SCML4: variants seen among roughly 807,000 people sequenced by gnomAD.
SCML4 encodes the protein Scm polycomb group protein like 4.
A neutral mutation model predicts 41.1 loss-of-function variants in SCML4; 34 were observed. That is an observed-to-expected ratio of 0.83 (90% CI 0.63 to 1.10). The LOEUF (loss-of-function observed/expected upper bound fraction) is 1.10, where lower values mean the gene tolerates loss of function less well. Ranked by LOEUF, SCML4 falls within the 50% of genes least tolerant of loss-of-function variation. SCML4 has a pLI of 0.00. For synonymous variants in SCML4, 214 were observed against 220.9 expected (o/e 0.97, Z 0.28); for missense variants, 522 against 534.1 (o/e 0.98, Z 0.22).
chr6:107,837,942 C>G, the SCML4 span, among the ~76,000 whole-genome samples: 1 of 125,154 alleles, frequency 8.0e-6, no homozygotes, highest in African/African-American at 3.0e-5. Context: ...GAGTTTTGCT[C>G]TGTCGCCCAG....
At chr6:107,731,494 C>T (rs1226037791) in intron 5 of SCML4, among the ~76,000 whole-genome samples, 1 of 152,246 alleles carries the variant, frequency 6.6e-6, no homozygotes, top group Non-Finnish European at 1.5e-5. Context: ...TCTCACCCCC[C>T]ACTTCCCGCA....
rs562737613 is a variant in SCML4, at chr6:107,814,833, G to A, written c.-60+9293C>T. On this transcript the variant is annotated intron_variant, in intron 1 of 7. Transcript: ENST00000369020. ...CTCCCAAAGTGCTGGGATTACGAGC[G>A]TGAGCCACCGTGCCAGGCCGTACAA... 2.7e-4 allele frequency among the ~76,000 whole-genome samples: 41 copies of A among 152,136 alleles called. 1 individual carries two copies. Among genetic ancestry groups the A allele is most frequent in the Non-Finnish European group, 4.4e-5 (3 of 68,016 alleles).
intron 1 of SCML4, among the ~76,000 whole-genome samples, chr6:107,810,938 G>T (rs534600926): frequency 3.4e-4 from 52 of 152,214 alleles, no homozygotes; most frequent in African/African-American, 1.3e-3. Flanking sequence ...CCCACTCCCT[G>T]CCTGGAGATA....
At chr6:107,794,681 G>C (rs553335230) in intron 1 of SCML4, among the ~76,000 whole-genome samples, 1 of 152,004 alleles carries the variant, frequency 6.6e-6, no homozygotes, top group African/African-American at 2.4e-5. Flanking sequence ...TACTTACTTC[G>C]ATAACCTAGC....
At chr6:107,802,891 G>C (rs911386760) in intron 1 of SCML4, among the ~76,000 whole-genome samples, 1 of 151,944 alleles carries the variant, frequency 6.6e-6, no homozygotes, top group African/African-American at 2.4e-5. Context: ...TTGCAGTCGC[G>C]CGCCGCCACG....
intron 5 of SCML4, among the ~76,000 whole-genome samples, chr6:107,738,371 T>TGAATATTC (rs1777272917): frequency 6.6e-6 from 1 of 151,650 alleles, no homozygotes; most frequent in African/African-American, 2.4e-5. Context: ...ATAGGGAGTT[T>TGAATATTC]ATAACTTTGG....
At chr6:107,831,411 C>CA in the SCML4 span, among the ~76,000 whole-genome samples, 17,190 of 107,018 alleles carry the variant, frequency 0.16, 1,388 homozygotes, top group Middle Eastern at 0.22. Context: ...TTTTCATTCT[C>CA]AAAAAAAAAA....
chr6:107,756,505 G>T (rs189263082), intron 2 of SCML4, among the ~76,000 whole-genome samples: 1 of 152,202 alleles, frequency 6.6e-6, no homozygotes, highest in Non-Finnish European at 1.5e-5. Context: ...CAGCCCAGAG[G>T]AGCTTAAGGA....
At chr6:107,710,528 C>G (rs1774124045) in intron 6 of SCML4, among the ~76,000 whole-genome samples, 1 of 106,122 alleles carries the variant, frequency 9.4e-6, no homozygotes, top group South Asian at 3.5e-4. Context: ...GTAATCCCAG[C>G]ACTTTGGGAG....
chr6:107,778,858 G>T (rs1391695734), intron 1 of SCML4, among the ~76,000 whole-genome samples: 2 of 152,148 alleles, frequency 1.3e-5, no homozygotes, highest in Non-Finnish European at 2.9e-5. Context: ...CAAACACTAT[G>T]CTTAGGTACT....
At chr6:107,749,867 C>T (rs1778468845) in intron 2 of SCML4, 54 bp from the exon 3 acceptor site, 89 of 1,585,104 alleles carry the variant, frequency 5.6e-5, no homozygotes, top group Non-Finnish European at 7.6e-5. Context: ...TCTCTACACT[C>T]TTCCAGATTC....
chr6:107,708,687 TC>T (rs1773927707), intron 6 of SCML4, among the ~76,000 whole-genome samples: 1 of 152,040 alleles, frequency 6.6e-6, no homozygotes, highest in Non-Finnish European at 1.5e-5. Flanking sequence ...TGCCCGGGTC[TC>T]CCCCACTGCA....
At chr6:107,774,572 A>G (rs181226424) in intron 1 of SCML4, among the ~76,000 whole-genome samples, 1 of 152,310 alleles carries the variant, frequency 6.6e-6, no homozygotes, top group African/African-American at 2.4e-5. Context: ...ATTCTCATCA[A>G]GTTTCTGCTT....
chr6:107,711,742 T>C (rs1270988357), intron 6 of SCML4, among the ~76,000 whole-genome samples: 1 of 152,208 alleles, frequency 6.6e-6, no homozygotes, highest in Non-Finnish European at 1.5e-5. Context: ...CTCTGAACAA[T>C]GAAGCGGCTT....
At chr6:107,813,701 G>A (rs757430537) in intron 1 of SCML4, among the ~76,000 whole-genome samples, 7 of 152,058 alleles carry the variant, frequency 4.6e-5, no homozygotes, top group African/African-American at 7.2e-5. Flanking sequence ...TACATGCTGC[G>A]GTTATCAGTC....
At chr6:107,815,293 G>A (rs1784482606) in intron 1 of SCML4, among the ~76,000 whole-genome samples, 1 of 152,202 alleles carries the variant, frequency 6.6e-6, no homozygotes, top group South Asian at 2.1e-4. Flanking sequence ...GACCAGGGAT[G>A]CTGGGTGTCC....
intron 5 of SCML4, among the ~76,000 whole-genome samples, chr6:107,729,350 A>G (rs1776307252): frequency 6.6e-6 from 1 of 152,084 alleles, no homozygotes; most frequent in Admixed American, 6.5e-5. Flanking sequence ...ACAGCGCTCC[A>G]ATCTCTGCCT....
At chr6:107,836,226 G>A in the SCML4 span, among the ~76,000 whole-genome samples, 11 of 151,784 alleles carry the variant, frequency 7.2e-5, no homozygotes, top group Non-Finnish European at 1.3e-4. Context: ...AGGCTGTTTC[G>A]AAAAAGAGTT....
Position 107,749,773 on chromosome 6 carries a change from G to A in SCML4, c.197C>T (p.Pro66Leu). ...GTCGGGCTCTGGGGTACTCCGCGGA[G>A]GTGAGAGGGCTAAGGGAGTCATGAG... ...RVLMTPLALSPPRSTPEPDLS... is the reference protein window; with the variant it reads ...RVLMTPLALSLPRSTPEPDLS... Residue 66 changes from proline to leucine, a missense_variant, in exon 3 of 8, where the codon CCT (proline) becomes CTT (leucine). Coordinates refer to ENST00000369020, the MANE Select transcript of SCML4 (RefSeq NM_198081.5). 6.2e-7 allele frequency: 1 copy of A among 1,614,110 alleles called. No individual in the cohort carries two copies. Among genetic ancestry groups the A allele is most frequent in the African/African-American group, 1.3e-5 (1 of 75,022 alleles).
Sources: allele counts gnomAD v4.1 joint callset (sites outside exome capture counted in the v4.1 genomes callset), GRCh38; gene constraint gnomAD v4.1.1; transcripts MANE v1.5; gene names NCBI Gene and HGNC (gene_info 2026-07-23, HGNC 2026-07-21).